The following CDYL variants were observed in gnomAD, a reference collection of about 807,000 sequenced individuals.
CDYL encodes the protein chromodomain Y-like protein.
CDYL carries 8 observed loss-of-function variants against 47.3 expected under a neutral mutation model. That is an observed-to-expected ratio of 0.17 (90% CI 0.10 to 0.31). The LOEUF (loss-of-function observed/expected upper bound fraction) is 0.31, where lower values mean the gene tolerates loss of function less well. Among genes scored for constraint, CDYL ranks in the 10% least tolerant of loss-of-function variants. CDYL has a pLI of 1.00. For synonymous variants in CDYL, 266 were observed against 265.0 expected, an observed-to-expected ratio of 1.00 and a Z score of -0.04; for missense variants, 471 against 701.4, an observed-to-expected ratio of 0.67 and a Z score of 3.71.
intron 1 of CDYL, among the ~76,000 whole-genome samples, chr6:4,819,478 T>C (rs11967801): frequency 0.026 from 4,034 of 152,236 alleles, 186 homozygotes; most frequent in African/African-American, 0.092. Flanking sequence ...TTCTTTCTGG[T>C]CTGTTGACAA....
chr6:4,805,185 TAA>T (rs1257909557), intron 1 of CDYL, among the ~76,000 whole-genome samples: 2 of 152,228 alleles, frequency 1.3e-5, no homozygotes, highest in East Asian at 1.9e-4. Context: ...ACTCTAAACT[TAA>T]GAGTAAGTTT....
rs568643722 is a variant in CDYL at position 4,843,962 on chromosome 6, A to G, written c.25-47751A>G. On this transcript the variant is annotated intron_variant, in intron 1 of 6. Coordinates refer to ENST00000397588, the MANE Select transcript of CDYL (RefSeq NM_004824.4). Reference sequence around the variant, plus strand: ...CTTTCTCATTTGGGTATACTATGTCAGAGGGAAGATCTGGGGCCCAAAGGC... The same window carrying G: ...CTTTCTCATTTGGGTATACTATGTCGGAGGGAAGATCTGGGGCCCAAAGGC... Among the ~76,000 whole-genome samples the G allele has an allele frequency of 2.0e-5, 3 of 152,302 alleles. No homozygotes were observed. In the South Asian group the frequency reaches 6.2e-4, roughly 32 times the overall value.
chr6:4,823,788 A>G (rs1329652731), intron 1 of CDYL, among the ~76,000 whole-genome samples: 1 of 152,164 alleles, frequency 6.6e-6, no homozygotes, highest in East Asian at 1.9e-4. Context: ...ATTCCATGAT[A>G]TTAATCACAA....
At chr6:4,930,266 A>G (rs1261893562) in intron 2 of CDYL, among the ~76,000 whole-genome samples, 1 of 152,194 alleles carries the variant, frequency 6.6e-6, no homozygotes, top group Non-Finnish European at 1.5e-5. Context: ...CTCCCTGTGC[A>G]TGCTCAGATT....
chr6:4,779,851 G>A (rs141690163), intron 1 of CDYL, among the ~76,000 whole-genome samples: 11 of 152,302 alleles, frequency 7.2e-5, no homozygotes, highest in East Asian at 5.8e-4. Flanking sequence ...AAAAGCAGTC[G>A]TAGACTCCTA....
chr6:4,831,554 C>A (rs908916059), intron 1 of CDYL, among the ~76,000 whole-genome samples: 3 of 152,022 alleles, frequency 2.0e-5, no homozygotes, highest in Non-Finnish European at 4.4e-5. Context: ...AATGACTTGG[C>A]GATGCGGGCT....
chr6:4,914,299 G>A (rs917066113), intron 2 of CDYL, among the ~76,000 whole-genome samples: 3 of 151,906 alleles, frequency 2.0e-5, no homozygotes, highest in African/African-American at 7.3e-5. Flanking sequence ...AGAGGGCAGG[G>A]CAGGAGAGTA....
chr6:4,723,986 A>G (rs1011127979), intron 2 of CDYL, among the ~76,000 whole-genome samples: 1 of 152,168 alleles, frequency 6.6e-6, no homozygotes, highest in Non-Finnish European at 1.5e-5. Context: ...TATCCGTGAA[A>G]TTATTTTACT....
In CDYL at chr6:4,819,115, G is replaced by GT. The variant is rs1491554329; in HGVS notation, c.24+42310dup. On this transcript the variant is annotated intron_variant, in intron 1 of 6. Transcript: ENST00000397588. ...CCTGGCTCTTTTTCTTTTTAGGTTC[G>GT]TTCTCTCTCTCTCTCTCTCTCTCTC... Among the ~76,000 whole-genome samples the GT allele has an allele frequency of 1.3e-4, 5 of 37,304 alleles. No individual in the cohort carries two copies. The Admixed American group carries it at 1.7e-3, about 12-fold the overall frequency. The allele number at this position is 37,304 out of a possible 152,430, so 24.5% of individuals were successfully genotyped here.
At chr6:4,888,222 A>G (rs1761950461) in intron 1 of CDYL, among the ~76,000 whole-genome samples, 1 of 152,074 alleles carries the variant, frequency 6.6e-6, no homozygotes, top group Non-Finnish European at 1.5e-5. Context: ...ATTGTTTTCT[A>G]ATTACTGGAA....
At chr6:4,898,975 T>G (rs1756925159) in intron 2 of CDYL, among the ~76,000 whole-genome samples, 1 of 152,234 alleles carries the variant, frequency 6.6e-6, no homozygotes, top group Non-Finnish European at 1.5e-5. Flanking sequence ...AATGTATCAC[T>G]TACTGTTACC....
At chr6:4,738,354 G>C (rs776689132) in intron 3 of CDYL, among the ~76,000 whole-genome samples, 2 of 151,852 alleles carry the variant, frequency 1.3e-5, no homozygotes, top group Non-Finnish European at 2.9e-5. Flanking sequence ...ACCTCAGCGT[G>C]GGTGACCAAG....
At position 4,891,780 on chromosome 6, in the gene CDYL, G is replaced by T. The variant is rs1762048929; in HGVS notation, c.92G>T (p.Gly31Val). ...GKTEYLVRWK[G>V]YDSEDDTWEP... is the part of the protein sequence containing the mutation. ...ACAGAGTATTTGGTTCGGTGGAAAGGCTATGACAGCGAGGACGACACTTGG... is the reference window on the plus strand; with the variant it reads ...ACAGAGTATTTGGTTCGGTGGAAAGTCTATGACAGCGAGGACGACACTTGG... The change falls in exon 2 of 7, where the codon GGC (glycine) becomes GTC (valine). Residue 31 changes from glycine to valine, a missense_variant. By Grantham distance (109) the Gly-to-Val change is moderately radical (BLOSUM62 -3). Around this residue, in one of 3 missense-constraint regions of CDYL, gnomAD observed 311 missense variants for 350.0 expected, o/e 0.89. Coordinates refer to ENST00000397588, the MANE Select transcript of CDYL (RefSeq NM_004824.4). 6.2e-7 allele frequency: 1 copy of T among 1,613,988 alleles called. No individual in the cohort carries two copies. Among genetic ancestry groups the T allele is most frequent in the Admixed American group, 1.7e-5 (1 of 60,006 alleles).
intron 3 of CDYL, among the ~76,000 whole-genome samples, chr6:4,755,227 ATT>A (rs34342399): frequency 0.056 from 8,002 of 142,090 alleles, 568 homozygotes; most frequent in African/African-American, 0.16. Context: ...TGCCCACCTA[ATT>A]TTTTTTTTTT....
chr6:4,854,741 C>T (rs150817848), intron 1 of CDYL, among the ~76,000 whole-genome samples: 122 of 152,316 alleles, frequency 8.0e-4, no homozygotes, highest in African/African-American at 2.7e-3. Flanking sequence ...GGCTAGGTTC[C>T]AGGAGTCAGC....
At chr6:4,710,894 A>G (rs987997032) in intron 1 of CDYL, among the ~76,000 whole-genome samples, 2 of 147,850 alleles carry the variant, frequency 1.4e-5, no homozygotes, top group Non-Finnish European at 3.0e-5. Flanking sequence ...ATTGGCAAAG[A>G]GTGTAGATTT....
chr6:4,906,702 G>A (rs1757247920), intron 2 of CDYL, among the ~76,000 whole-genome samples: 2 of 152,186 alleles, frequency 1.3e-5, no homozygotes, highest in African/African-American at 2.4e-5. Flanking sequence ...TAAAACTATG[G>A]CAGCTATCAA....
chr6:4,868,826 C>T (rs1448245412), intron 1 of CDYL, among the ~76,000 whole-genome samples: 2 of 152,160 alleles, frequency 1.3e-5, no homozygotes, highest in African/African-American at 2.4e-5. Context: ...ATAGTTATTA[C>T]ATCTTGAAAT....
At chr6:4,935,992 G>A (rs1758180499) in intron 3 of CDYL, among the ~76,000 whole-genome samples, 1 of 152,182 alleles carries the variant, frequency 6.6e-6, no homozygotes. Context: ...TGTGCTGAGT[G>A]TCCATCCCCA....
Sources: gnomAD v4.1 joint callset for allele counts (sites outside exome capture counted in the v4.1 genomes callset) on GRCh38, gnomAD v4.1.1 for gene constraint, gnomAD v4.1.1 regional missense constraint, MANE v1.5 for transcripts, NCBI Gene and HGNC (gene_info 2026-07-23, HGNC 2026-07-21) for gene names.